The following EVA1A variants were observed in gnomAD, a reference collection of about 807,000 sequenced individuals.
The protein encoded by EVA1A is protein eva-1 homolog A.
Under a neutral mutation model 9.8 loss-of-function variants are expected in EVA1A, and 7 were observed. The ratio of observed to expected loss-of-function variants is 0.71; its 90% CI spans 0.41 to 1.34. EVA1A has a LOEUF of 1.34. Ranked by LOEUF, EVA1A falls within the 40% of genes most tolerant of loss-of-function variation. EVA1A has a pLI of 0.01. For missense variants in EVA1A, 206 were observed against 205.9 expected (o/e 1.00, Z 0.00); for synonymous variants, 90 against 85.6 (o/e 1.05, Z -0.28).
chr2:75,543,143 G>A (rs549703827), intron 1 of EVA1A, among the ~76,000 whole-genome samples: 3 of 152,242 alleles, frequency 2.0e-5, no homozygotes, highest in South Asian at 4.1e-4. Context: ...CGATACATGC[G>A]CTTGAATAAT....
chr2:75,534,056 C>T (rs1292456089), intron 1 of EVA1A, among the ~76,000 whole-genome samples: 1 of 151,906 alleles, frequency 6.6e-6, no homozygotes, highest in Non-Finnish European at 1.5e-5. Flanking sequence ...TCGTGATCCT[C>T]CCACCTCAGC....
At chr2:75,534,990 T>C (rs1675822913) in intron 1 of EVA1A, among the ~76,000 whole-genome samples, 2 of 152,140 alleles carry the variant, frequency 1.3e-5, no homozygotes, top group South Asian at 4.1e-4. Flanking sequence ...CCCAGCACCA[T>C]CCACTAAATA....
intron 1 of EVA1A, among the ~76,000 whole-genome samples, chr2:75,565,979 CTCTCTCTCTT>C (rs1677018898): frequency 3.3e-5 from 5 of 152,078 alleles, no homozygotes; most frequent in South Asian, 4.2e-4. Flanking sequence ...CTCTTTTTCT[CTCTCTCTCTT>C]TCTCTCTCTA....
chr2:75,547,002 C>A (rs79077513), intron 1 of EVA1A, among the ~76,000 whole-genome samples: 362 of 152,066 alleles, frequency 2.4e-3, no homozygotes, highest in African/African-American at 8.4e-3. Context: ...AGGGCATGGC[C>A]CTGCTGACAT....
In EVA1A at chr2:75,568,163, C is replaced by A. The variant is rs1287808201; in HGVS notation, c.-192+1313G>T. The stretch of plus-strand genomic sequence containing the variant: ...TGTGCCAAAGCCCCTGCTTGCCAGG[C>A]CTTTCCTCCTCATCCTTATTTCCTC... On this transcript the variant is annotated intron_variant, in intron 1 of 3. Coordinates refer to the EVA1A transcript ENST00000233712. Among the ~76,000 whole-genome samples, 6 of 152,158 alleles carry A rather than the reference C, an allele frequency of 3.9e-5. No homozygotes were observed. In the South Asian group the frequency reaches 8.3e-4, roughly 21 times the overall value.
Position 75,501,024 on chromosome 2 carries a change from C to CAAAA in EVA1A, c.86-7419_86-7416dup, listed in dbSNP as rs78473697. On this transcript the variant is annotated intron_variant, in intron 3 of 3. Transcript: ENST00000393913. ...CCTATTATTTACCTTATTACTTTTA[C>CAAAA]AAAAAAAAAAAAAAGAGGGCACTCA... 7.8e-4 allele frequency among the ~76,000 whole-genome samples: 103 copies of CAAAA among 131,596 alleles called. 1 individual carries two copies. The highest frequency in any genetic ancestry group is 2.6e-3 in the African/African-American group (97 of 37,520). 86.3% of individuals were successfully genotyped at this position (131,596 alleles called of 152,430 possible).
chr2:75,553,883 C>G (rs962798289), intron 1 of EVA1A, among the ~76,000 whole-genome samples: 4 of 152,172 alleles, frequency 2.6e-5, no homozygotes, highest in African/African-American at 4.8e-5. Flanking sequence ...CTCATTCCGC[C>G]CACTCTCAGG....
rs1016735695 is a variant in EVA1A, at chr2:75,528,283, G to C, written c.-191-5796C>G. ...AGAATCTGAGGGGTGGAGGCGAATA[G>C]GAGGTGCAGATGAGCACAGAAGCTG... On this transcript the variant is annotated intron_variant, in intron 1 of 3. Coordinates refer to ENST00000393913, the MANE Select transcript of EVA1A (RefSeq NM_001135032.2). 3.3e-5 allele frequency among the ~76,000 whole-genome samples: 5 copies of C among 152,290 alleles called. No individual in the cohort carries two copies. The South Asian group carries it at 6.2e-4, about 19-fold the overall frequency.
chr2:75,552,722 A>G (rs1472115439), intron 1 of EVA1A, among the ~76,000 whole-genome samples: 1 of 152,184 alleles, frequency 6.6e-6, no homozygotes, highest in Non-Finnish European at 1.5e-5. Flanking sequence ...GGGAGGAAGT[A>G]GAGTCCACTG....
intron 1 of EVA1A, among the ~76,000 whole-genome samples, chr2:75,538,042 C>A (rs1004904895): frequency 1.3e-5 from 2 of 152,180 alleles, no homozygotes; most frequent in African/African-American, 4.8e-5. Flanking sequence ...GTAATCCCAG[C>A]ACTTCGGGAG....
chr2:75,523,350 C>A (rs1675298326), intron 1 of EVA1A, among the ~76,000 whole-genome samples: 1 of 152,130 alleles, frequency 6.6e-6, no homozygotes, highest in African/African-American at 2.4e-5. Context: ...AGAAGTAGGT[C>A]TTTGAGGCCC....
At chr2:75,510,398 C>A (rs1674768027) in intron 3 of EVA1A, among the ~76,000 whole-genome samples, 1 of 152,148 alleles carries the variant, frequency 6.6e-6, no homozygotes, top group East Asian at 1.9e-4. Context: ...AGGCCCTTGG[C>A]CCTCACAGGA....
chr2:75,525,358 C>A (rs767047918), intron 1 of EVA1A, among the ~76,000 whole-genome samples: 1 of 152,202 alleles, frequency 6.6e-6, no homozygotes, highest in Non-Finnish European at 1.5e-5. Context: ...AGCCATACAT[C>A]TTCATAGGAA....
chr2:75,503,493 A>C (rs1674503853), intron 3 of EVA1A, among the ~76,000 whole-genome samples: 1 of 152,172 alleles, frequency 6.6e-6, no homozygotes, highest in African/African-American at 2.4e-5. Context: ...TTTCATTTGC[A>C]CCCTCAGAGG....
intron 1 of EVA1A, among the ~76,000 whole-genome samples, chr2:75,557,565 C>A (rs1045092276): frequency 6.6e-6 from 1 of 152,208 alleles, no homozygotes; most frequent in Non-Finnish European, 1.5e-5. Context: ...TATTTATATG[C>A]TAGGTGCACA....
At chr2:75,545,538 G>A (rs769373955) in intron 1 of EVA1A, among the ~76,000 whole-genome samples, 5 of 152,158 alleles carry the variant, frequency 3.3e-5, no homozygotes, top group African/African-American at 4.8e-5. Context: ...TAGGGCCAGC[G>A]TAACTGAGGT....
chr2:75,518,915 G>A (rs1406105806), intron 2 of EVA1A: 13 of 976,474 alleles, frequency 1.3e-5, no homozygotes, highest in East Asian at 1.1e-4. Flanking sequence ...AATATCTACA[G>A]GAATTTGAGA....
chr2:75,534,692 T>C (rs1350020798), intron 1 of EVA1A, among the ~76,000 whole-genome samples: 3 of 152,314 alleles, frequency 2.0e-5, no homozygotes, highest in East Asian at 3.9e-4. Context: ...AAATATTTTC[T>C]CTCATTCTGT....
chr2:75,523,343 A>C (rs897940950), intron 1 of EVA1A, among the ~76,000 whole-genome samples: 2 of 152,242 alleles, frequency 1.3e-5, no homozygotes, highest in Non-Finnish European at 2.9e-5. Flanking sequence ...AAAGTGCAGA[A>C]GTAGGTCTTT....
Sources: gnomAD v4.1 joint callset for allele counts (sites outside exome capture counted in the v4.1 genomes callset) on GRCh38, gnomAD v4.1.1 for gene constraint, MANE v1.5 for transcripts, NCBI Gene and HGNC (gene_info 2026-07-23, HGNC 2026-07-21) for gene names.